The following C10orf90 variants were observed in gnomAD, a reference collection of about 807,000 sequenced individuals.
C10orf90 encodes the protein chromosome 10 open reading frame 90.
C10orf90 carries 56 observed loss-of-function variants against 62.5 expected under a neutral mutation model. The ratio of observed to expected loss-of-function variants is 0.90; its 90% CI spans 0.72 to 1.12. The LOEUF (loss-of-function observed/expected upper bound fraction) is 1.12. Among genes scored for constraint, C10orf90 ranks in the 50% most tolerant of loss-of-function variants. C10orf90 has a pLI of 0.00. For missense variants in C10orf90, 970 were observed against 880.4 expected (o/e 1.10, Z -1.29); for synonymous variants, 386 against 340.4 (o/e 1.13, Z -1.47).
chr10:126,583,226 T>C (rs914988973), intron 2 of C10orf90, among the ~76,000 whole-genome samples: 1 of 152,230 alleles, frequency 6.6e-6, no homozygotes, highest in African/African-American at 2.4e-5. Flanking sequence ...AGAAACACTT[T>C]GGTGTGTATG....
intron 2 of C10orf90, among the ~76,000 whole-genome samples, chr10:126,635,138 G>A (rs546823803): frequency 2.0e-5 from 3 of 152,260 alleles, no homozygotes; most frequent in East Asian, 1.9e-4. Flanking sequence ...ATTAGTGAAC[G>A]CCACATTCAG....
chr10:126,648,784 C>A (rs1342648962), intron 1 of C10orf90, among the ~76,000 whole-genome samples: 2 of 152,128 alleles, frequency 1.3e-5, no homozygotes, highest in Admixed American at 6.5e-5. Context: ...TTTTAAGCTT[C>A]TTCTCTCCTG....
At chr10:126,535,389 T>C (rs901080429) in intron 2 of C10orf90, among the ~76,000 whole-genome samples, 2 of 151,628 alleles carry the variant, frequency 1.3e-5, no homozygotes, top group Admixed American at 6.6e-5. Flanking sequence ...TGGTGGCGGG[T>C]GCCTGTAGTC....
chr10:126,626,358 G>A (rs918993668), intron 2 of C10orf90, among the ~76,000 whole-genome samples: 1 of 152,070 alleles, frequency 6.6e-6, no homozygotes, highest in African/African-American at 2.4e-5. Flanking sequence ...GGGACCATTT[G>A]CCTCCCAGAA....
intron 2 of C10orf90, among the ~76,000 whole-genome samples, chr10:126,541,282 G>T (rs1199335233): frequency 6.6e-6 from 1 of 151,936 alleles, no homozygotes; most frequent in Non-Finnish European, 1.5e-5. Flanking sequence ...AATACAATGG[G>T]ATAATATATA....
chr10:126,639,679 T>A (rs1846021614), intron 2 of C10orf90, among the ~76,000 whole-genome samples: 1 of 152,226 alleles, frequency 6.6e-6, no homozygotes, highest in Non-Finnish European at 1.5e-5. Context: ...AACTGAGCAT[T>A]CATGCTTTTG....
intron 2 of C10orf90, among the ~76,000 whole-genome samples, chr10:126,622,725 G>C (rs531843903): frequency 6.6e-6 from 1 of 152,262 alleles, no homozygotes; most frequent in South Asian, 2.1e-4. Flanking sequence ...GAATGACAGG[G>C]AGATTTTTCA....
chr10:126,525,657 G>A (rs963169198), intron 2 of C10orf90, among the ~76,000 whole-genome samples: 1 of 152,114 alleles, frequency 6.6e-6, no homozygotes, highest in African/African-American at 2.4e-5. Context: ...GACATGGTCC[G>A]AGAGCCTAGC....
chr10:126,521,182 CT>C, intron 2 of C10orf90: 1 of 1,173,632 alleles, frequency 8.5e-7, no homozygotes, highest in Non-Finnish European at 1.2e-6. Flanking sequence ...GGTTCATCTC[CT>C]TTCCCCTGGG....
At chr10:126,615,066 G>A (rs1368875113) in intron 2 of C10orf90, among the ~76,000 whole-genome samples, 1 of 152,144 alleles carries the variant, frequency 6.6e-6, no homozygotes, top group Non-Finnish European at 1.5e-5. Flanking sequence ...CTGGGATGCT[G>A]GAGCTCTCTT....
At chr10:126,598,096 A>T (rs145091741) in intron 2 of C10orf90, among the ~76,000 whole-genome samples, 40 of 152,286 alleles carry the variant, frequency 2.6e-4, no homozygotes, top group African/African-American at 9.6e-4. Context: ...TTTGGTAAGT[A>T]TATCAGAAAA....
At chr10:126,579,934 T>G (rs998203127) in intron 2 of C10orf90, among the ~76,000 whole-genome samples, 1 of 152,166 alleles carries the variant, frequency 6.6e-6, no homozygotes, top group Non-Finnish European at 1.5e-5. Flanking sequence ...ATCTTTTATA[T>G]GAAGCTGATG....
intron 2 of C10orf90, among the ~76,000 whole-genome samples, chr10:126,552,903 A>G (rs1864669495): frequency 1.3e-5 from 2 of 152,242 alleles, no homozygotes; most frequent in Admixed American, 6.5e-5. Context: ...ATGCCACTGC[A>G]ATACACTTGG....
intron 2 of C10orf90, chr10:126,521,236 G>T: frequency 6.4e-7 from 1 of 1,565,616 alleles, no homozygotes; most frequent in Non-Finnish European, 8.8e-7. Flanking sequence ...AGCGTGGACA[G>T]AATGAACAGA....
intron 2 of C10orf90, among the ~76,000 whole-genome samples, chr10:126,578,568 AT>A (rs1844673663): frequency 6.6e-6 from 1 of 152,182 alleles, no homozygotes; most frequent in South Asian, 2.1e-4. Context: ...CTGTAAAATT[AT>A]TTGGCATGTC....
chr10:126,477,280 T>G (rs1860941041), intron 4 of C10orf90, among the ~76,000 whole-genome samples: 1 of 150,870 alleles, frequency 6.6e-6, no homozygotes, highest in Non-Finnish European at 1.5e-5. Flanking sequence ...TCCCCATTTT[T>G]GGGTCAGAAT....
intron 2 of C10orf90, among the ~76,000 whole-genome samples, chr10:126,628,753 C>T (rs111539742): frequency 1.3e-5 from 2 of 152,346 alleles, no homozygotes; most frequent in African/African-American, 4.8e-5. Flanking sequence ...CACTTGCCTG[C>T]CTGTCCTGTA....
At chr10:126,477,099 T>C (rs1338435894) in intron 4 of C10orf90, among the ~76,000 whole-genome samples, 1,307 of 112,380 alleles carry the variant, frequency 0.012, 47 homozygotes, top group African/African-American at 0.041. Flanking sequence ...TTTTTTTTTT[T>C]TTTTTTTTTT....
At chr10:126,649,480 C>T (rs1206160556) in intron 1 of C10orf90, among the ~76,000 whole-genome samples, 1 of 152,080 alleles carries the variant, frequency 6.6e-6, no homozygotes, top group Non-Finnish European at 1.5e-5. Context: ...GTCACACGCT[C>T]ACCCACCACA....
Sources: allele counts gnomAD v4.1 joint callset (sites outside exome capture counted in the v4.1 genomes callset), GRCh38; gene constraint gnomAD v4.1.1; transcripts MANE v1.5; gene names NCBI Gene and HGNC (gene_info 2026-07-23, HGNC 2026-07-21).